Variants in MYBPC1 observed in about 807,000 individuals in gnomAD.
MYBPC1 encodes the protein myosin-binding protein C, slow-type.
MYBPC1 carries 52 observed loss-of-function variants against 147.1 expected under a neutral mutation model. The ratio of observed to expected loss-of-function variants is 0.35; its 90% confidence interval spans 0.28 to 0.45. The LOEUF (loss-of-function observed/expected upper bound fraction) is 0.45, where lower values mean the gene tolerates loss of function less well. MYBPC1 is among the 20% of genes least tolerant of loss of function. MYBPC1 has a pLI of 1.00. For missense variants in MYBPC1, 1,228 were observed against 1,440.3 expected (o/e 0.85, Z 2.39); for synonymous variants, 477 against 475.9 (o/e 1.00, Z -0.03).
intron 10 of MYBPC1, 53 bp downstream of exon 10, chr12:101,636,781 C>G: frequency 1.4e-6 from 2 of 1,456,374 alleles, no homozygotes; most frequent in African/African-American, 1.4e-5. Flanking sequence ...CTTTCAGACA[C>G]CCACTCAGAG....
chr12:101,693,168 G>A, the MYBPC1 span, among the ~76,000 whole-genome samples: 5 of 151,954 alleles, frequency 3.3e-5, no homozygotes, highest in African/African-American at 7.3e-5. Context: ...GGATGGTCTC[G>A]ATCTCCTGAC....
At chr12:101,661,912 A>G (rs867326250) in intron 20 of MYBPC1, among the ~76,000 whole-genome samples, 20 of 48,282 alleles carry the variant, frequency 4.1e-4, no homozygotes, top group East Asian at 1.1e-3. Context: ...AAAAAAAAAA[A>G]AAAGAAAGAA....
At chr12:101,617,170 C>T (rs1447548514) in intron 2 of MYBPC1, 32 bp from the exon 3 acceptor site, 2 of 1,612,120 alleles carry the variant, frequency 1.2e-6, no homozygotes, top group African/African-American at 2.7e-5. Flanking sequence ...CTTTAAGGCA[C>T]TTTAAAAAAT....
At chr12:101,693,836 G>T in the MYBPC1 span, among the ~76,000 whole-genome samples, 1 of 152,206 alleles carries the variant, frequency 6.6e-6, no homozygotes, top group Non-Finnish European at 1.5e-5. Flanking sequence ...TTACAGTTAG[G>T]CATAGCAGCC....
chr12:101,653,835 G>A (rs946037098), intron 18 of MYBPC1, among the ~76,000 whole-genome samples: 2 of 151,958 alleles, frequency 1.3e-5, no homozygotes, highest in African/African-American at 4.8e-5. Flanking sequence ...TGAAATGGTA[G>A]AGTAGTGCCA....
At chr12:101,644,148 T>C (rs1286308586) in intron 11 of MYBPC1, among the ~76,000 whole-genome samples, 1 of 152,164 alleles carries the variant, frequency 6.6e-6, no homozygotes, top group African/African-American at 2.4e-5. Context: ...GTGACTCTCA[T>C]GCCTCAGCCT....
intron 10 of MYBPC1, among the ~76,000 whole-genome samples, chr12:101,641,115 GA>G (rs34380289): frequency 0.011 from 1,144 of 105,960 alleles, 8 homozygotes; most frequent in African/African-American, 0.029. Flanking sequence ...CTGTCTCAAA[GA>G]AAAAAAAAAA....
At position 101,661,140 on chromosome 12, in the gene MYBPC1, A is replaced by AT. The variant is rs1475562598; in HGVS notation, c.1928-12dup. The AT allele has an allele frequency of 1.4e-5, 22 of 1,578,638 alleles. No homozygotes were observed. Among genetic ancestry groups the AT allele is most frequent in the Middle Eastern group, 2.0e-4 (1 of 5,122 alleles). On this transcript the variant is annotated splice_polypyrimidine_tract_variant and intron_variant, in intron 19 of 31. Transcript: ENST00000361466. ...CCTCTTCCTTATTTTACTTTATCCT[A>AT]TTTTTTGTCTGCCACAGACTTCCCT...
At chr12:101,694,391 G>A in the MYBPC1 span, among the ~76,000 whole-genome samples, 1 of 152,210 alleles carries the variant, frequency 6.6e-6, no homozygotes, top group South Asian at 2.1e-4. Flanking sequence ...TGGACAGAAT[G>A]GTATCCTGCC....
chr12:101,695,108 C>T, the MYBPC1 span, among the ~76,000 whole-genome samples: 24 of 152,340 alleles, frequency 1.6e-4, no homozygotes, highest in East Asian at 4.0e-3. Flanking sequence ...TAACCATCTA[C>T]TCTTCCTAGC....
At chr12:101,651,953 A>C (rs1279847906) in intron 16 of MYBPC1, among the ~76,000 whole-genome samples, 1 of 152,154 alleles carries the variant, frequency 6.6e-6, no homozygotes, top group African/African-American at 2.4e-5. Context: ...AATAATAAAC[A>C]TGAAGTTAGA....
chr12:101,636,187 G>C (rs1355072154), intron 9 of MYBPC1, among the ~76,000 whole-genome samples: 4 of 151,980 alleles, frequency 2.6e-5, no homozygotes, highest in Non-Finnish European at 2.9e-5. Flanking sequence ...ATCTGTTCAT[G>C]GACACAAAGA....
intron 1 of MYBPC1, among the ~76,000 whole-genome samples, chr12:101,608,721 G>A (rs991333186): frequency 7.9e-5 from 12 of 152,162 alleles, no homozygotes; most frequent in African/African-American, 2.9e-4. Flanking sequence ...TTTTAAAAGC[G>A]GGGGATTCCT....
At chr12:101,601,237 T>C (rs1033198584) in intron 1 of MYBPC1, among the ~76,000 whole-genome samples, 2 of 152,252 alleles carry the variant, frequency 1.3e-5, no homozygotes, top group Admixed American at 6.5e-5. Context: ...CTTCTGTCCT[T>C]GCAGCTTTTT....
intron 1 of MYBPC1, among the ~76,000 whole-genome samples, chr12:101,601,684 A>C (rs1274753331): frequency 6.6e-6 from 1 of 152,212 alleles, no homozygotes; most frequent in Non-Finnish European, 1.5e-5. Flanking sequence ...CTAAAATTAC[A>C]TTTAATAATA....
At chr12:101,638,047 A>C (rs984861473) in intron 10 of MYBPC1, among the ~76,000 whole-genome samples, 1 of 152,200 alleles carries the variant, frequency 6.6e-6, no homozygotes, top group Non-Finnish European at 1.5e-5. Flanking sequence ...GTCACACAGG[A>C]GTTAGAGGCA....
chr12:101,670,674 G>C (rs1001477150), intron 24 of MYBPC1, among the ~76,000 whole-genome samples: 1 of 152,122 alleles, frequency 6.6e-6, no homozygotes, highest in East Asian at 1.9e-4. Flanking sequence ...GACTATGGTG[G>C]GCAGGGAAGA....
At chr12:101,617,668 AT>A (rs1886443528) in intron 3 of MYBPC1, among the ~76,000 whole-genome samples, 2 of 152,204 alleles carry the variant, frequency 1.3e-5, no homozygotes, top group Non-Finnish European at 2.9e-5. Flanking sequence ...GAAGGCTAGC[AT>A]CTCACTTTGT....
chr12:101,626,373 A>G (rs1888615321), intron 3 of MYBPC1, among the ~76,000 whole-genome samples: 1 of 152,224 alleles, frequency 6.6e-6, no homozygotes, highest in Non-Finnish European at 1.5e-5. Flanking sequence ...ATATTAACTT[A>G]TCTTGACTTT....
Sources: gnomAD v4.1 joint callset for allele counts (sites outside exome capture counted in the v4.1 genomes callset) on GRCh38, gnomAD v4.1.1 for gene constraint, MANE v1.5 for transcripts, NCBI Gene and HGNC (gene_info 2026-07-23, HGNC 2026-07-21) for gene names.